CD36: variants seen among roughly 807,000 people sequenced by gnomAD.
The protein encoded by CD36 is CD36 molecule (CD36 blood group), also known as platelet glycoprotein 4.
CD36 carries 119 observed loss-of-function variants against 55.2 expected under a neutral mutation model. That is an observed-to-expected ratio of 2.15 (90% CI 1.86 to 2.51). The LOEUF (loss-of-function observed/expected upper bound fraction) is 2.51, where lower values mean the gene tolerates loss of function less well. Among genes scored for constraint, CD36 ranks in the 30% most tolerant of loss-of-function variants. The pLI, the probability that CD36 is intolerant of heterozygous loss-of-function variation, is 0.00. For synonymous variants in CD36, 186 were observed against 193.6 expected, an observed-to-expected ratio of 0.96 and a Z score of 0.33; for missense variants, 819 against 555.5, an observed-to-expected ratio of 1.47 and a Z score of -4.77.
intron 7 of CD36, among the ~76,000 whole-genome samples, 192 bp downstream of exon 7, chr7:80,664,689 A>G (rs931430001): frequency 6.6e-6 from 1 of 152,112 alleles, no homozygotes; most frequent in African/African-American, 2.4e-5. Context: ...ACACCAGTGC[A>G]TAGCTGCTGA....
chr7:80,667,212 G>A (rs1797173338), intron 8 of CD36, among the ~76,000 whole-genome samples: 1 of 152,166 alleles, frequency 6.6e-6, no homozygotes, highest in African/African-American at 2.4e-5. Context: ...TAGACTACTT[G>A]TGCCCCGGAG....
At chr7:80,671,411 T>G (rs1453115544) in intron 10 of CD36, among the ~76,000 whole-genome samples, 2 of 152,114 alleles carry the variant, frequency 1.3e-5, no homozygotes, top group African/African-American at 4.8e-5. Flanking sequence ...TTTGGGAAGA[T>G]CCCACTTGTG....
rs1798219874 is a variant in CD36 at position 80,678,147 on chromosome 7, G to A, written c.*1764G>A. 1 of 151,866 alleles carries A rather than the reference G, an allele frequency of 6.6e-6. No individual in the cohort carries two copies. Among genetic ancestry groups the A allele is most frequent in the Non-Finnish European group, 1.5e-5 (1 of 67,990 alleles). 9.4% of individuals were successfully genotyped at this position (151,866 alleles called of 1,614,324 possible). A position where few individuals can be genotyped will look rare whatever the true frequency, so the allele number is the denominator to read the frequency against. ...CACTGTGGTGGGAGTGGGGCAACTT[G>A]GGGAATATGTTACATGTGTGACTTT... On this transcript the variant is annotated 3_prime_UTR_variant, in exon 15 of 15. Coordinates refer to ENST00000447544, the MANE Select transcript of CD36 (RefSeq NM_001001548.3).
chr7:80,659,422 A>C (rs1416882872), intron 4 of CD36, among the ~76,000 whole-genome samples: 2 of 152,202 alleles, frequency 1.3e-5, no homozygotes, highest in Non-Finnish European at 2.9e-5. Context: ...AGATGCTGTA[A>C]TTCCTTCAGA....
chr7:80,654,435 T>C (rs1353991687), intron 3 of CD36, among the ~76,000 whole-genome samples: 1 of 152,130 alleles, frequency 6.6e-6, no homozygotes, highest in Non-Finnish European at 1.5e-5. Flanking sequence ...ATTCTAATAG[T>C]GTGAGGAGAA....
At chr7:80,667,874 A>ATGAG (rs1797274768) in intron 8 of CD36, among the ~76,000 whole-genome samples, 2 of 149,230 alleles carry the variant, frequency 1.3e-5, no homozygotes, top group Admixed American at 1.4e-4. Context: ...CCTCAATCTC[A>ATGAG]TGAGTAGTTG....
intron 1 of CD36, among the ~76,000 whole-genome samples, chr7:80,618,685 A>G (rs4731642): frequency 0.32 from 49,376 of 152,124 alleles, 10,187 homozygotes; most frequent in Non-Finnish European, 0.46. Context: ...GACAGAGCCC[A>G]ATCCAGAGGA....
chr7:80,611,651 C>G (rs921082343), intron 1 of CD36, among the ~76,000 whole-genome samples: 3 of 152,162 alleles, frequency 2.0e-5, no homozygotes, highest in Admixed American at 1.3e-4. Context: ...TAGGAAAAAT[C>G]TATTCTAGAA....
At chr7:80,656,927 T>C (rs1796135951) in intron 4 of CD36, among the ~76,000 whole-genome samples, 2 of 152,152 alleles carry the variant, frequency 1.3e-5, no homozygotes, top group Non-Finnish European at 2.9e-5. Flanking sequence ...TCCAAATATT[T>C]ATTAGACAAT....
At chr7:80,662,891 A>C (rs138108769) in intron 5 of CD36, 99 bp from the exon 6 acceptor site, 1 of 982,306 alleles carries the variant, frequency 1.0e-6, no homozygotes, top group Admixed American at 2.0e-5. Flanking sequence ...GATAAGCTTT[A>C]AAAAGTTTTG....
chr7:80,608,182 A>G (rs1792672272), intron 1 of CD36, among the ~76,000 whole-genome samples: 2 of 152,204 alleles, frequency 1.3e-5, no homozygotes, highest in Non-Finnish European at 2.9e-5. Flanking sequence ...ATATATATGC[A>G]TATAACATAT....
At chr7:80,667,498 C>T (rs1424761410) in intron 8 of CD36, among the ~76,000 whole-genome samples, 1 of 149,070 alleles carries the variant, frequency 6.7e-6, no homozygotes, top group Non-Finnish European at 1.5e-5. Context: ...CAGAGGCAAG[C>T]TTTCAACTAC....
rs1584482288 is a variant in CD36 at position 80,677,605 on chromosome 7, G to A, written c.*1222G>A. 1 of 152,144 alleles carries A rather than the reference G, an allele frequency of 6.6e-6. No homozygotes were observed. The highest frequency in any genetic ancestry group is 2.4e-5 in the African/African-American group (1 of 41,446). 9.4% of individuals were successfully genotyped at this position (152,144 alleles called of 1,614,324 possible). A position where few individuals can be genotyped will look rare whatever the true frequency, so the allele number is the denominator to read the frequency against. On this transcript the variant is annotated 3_prime_UTR_variant, in exon 15 of 15. Coordinates refer to ENST00000447544, the MANE Select transcript of CD36 (RefSeq NM_001001548.3). ...CCTTTTAACTGGGAAGATAAAAGAA[G>A]TATCTGTCCAAGATATTAATATGTA... is the stretch of plus-strand genomic sequence containing the variant.
intron 1 of CD36, chr7:80,602,477 G>A (rs1194181): frequency 0.2 from 30,361 of 152,000 alleles, 4,602 homozygotes; most frequent in East Asian, 0.44. Context: ...GGGCTCTCTA[G>A]AAAGGTAATT....
rs138263194 is a variant in CD36 at position 80,602,947 on chromosome 7, G to T, written c.-184+568G>T. Among the ~76,000 whole-genome samples the T allele has an allele frequency of 4.8e-3, 730 of 152,166 alleles. 4 individuals are homozygous for T. Among genetic ancestry groups the T allele is most frequent in the Non-Finnish European group, 7.0e-3 (476 of 67,998 alleles). On this transcript the variant is annotated intron_variant, in intron 1 of 13. Transcript: ENST00000309881. ...AATATATTTAAGAAATAACCTAAAAGACCAATCTTAACAATTTGACTCCTA... is the reference window on the plus strand; with the variant it reads ...AATATATTTAAGAAATAACCTAAAATACCAATCTTAACAATTTGACTCCTA...
intron 5 of CD36, 105 bp from the exon 6 acceptor site, chr7:80,662,885 A>G (rs1395189627): frequency 2.2e-6 from 2 of 896,344 alleles, no homozygotes; most frequent in Non-Finnish European, 3.6e-6. Flanking sequence ...TTTAAAGATA[A>G]GCTTTAAAAA....
rs1323680120 is a variant in CD36 at position 80,673,826 on chromosome 7, C to T, written c.1255-157C>T. 23 of 673,400 alleles carry T rather than the reference C, an allele frequency of 3.4e-5. No homozygotes were observed. The Admixed American group carries it at 4.8e-4, about 14-fold the overall frequency. The allele number at this position is 673,400 out of a possible 1,614,324, so 41.7% of individuals were successfully genotyped here. ...CGTACTCTATCTGGCACTTAATTGC[C>T]TTTCTTGACTTGCAAAAGGAATTCC... On this transcript the variant is annotated intron_variant, in intron 13 of 14. Transcript: ENST00000447544.
Position 80,678,319 on chromosome 7 carries a change from C to T in CD36, c.*1936C>T, listed in dbSNP as rs1798225302. Reference sequence around the variant, plus strand: ...TTTTCTTTCCAAAGCTGGTTATTAACCACAGAATTATAGCAGGTATTCATA... The same window carrying T: ...TTTTCTTTCCAAAGCTGGTTATTAATCACAGAATTATAGCAGGTATTCATA... On this transcript the variant is annotated 3_prime_UTR_variant, in exon 15 of 15. Transcript: ENST00000447544. The T allele has an allele frequency of 6.6e-6, 1 of 152,102 alleles. No homozygotes were observed. Among genetic ancestry groups the T allele is most frequent in the Non-Finnish European group, 1.5e-5 (1 of 68,024 alleles). The allele number at this position is 152,102 out of a possible 1,614,324, so 9.4% of individuals were successfully genotyped here.
intron 1 of CD36, among the ~76,000 whole-genome samples, chr7:80,620,222 A>G (rs1488436840): frequency 6.6e-6 from 1 of 152,076 alleles, no homozygotes; most frequent in African/African-American, 2.4e-5. Flanking sequence ...GATGTCATCC[A>G]ACTCAGTTCC....
Sources: gnomAD v4.1 joint callset for allele counts (sites outside exome capture counted in the v4.1 genomes callset) on GRCh38, gnomAD v4.1.1 for gene constraint, MANE v1.5 for transcripts, NCBI Gene and HGNC (gene_info 2026-07-23, HGNC 2026-07-21) for gene names.